SIK2: variants seen among roughly 807,000 people sequenced by gnomAD.
SIK2 encodes salt inducible kinase 2.
In SIK2, 29 loss-of-function variants were observed where a neutral mutation model predicts 103.2. That is an observed-to-expected ratio of 0.28 (90% confidence interval 0.21 to 0.38). The LOEUF (loss-of-function observed/expected upper bound fraction) is 0.38, where lower values mean the gene tolerates loss of function less well. SIK2 is among the 10% of genes least tolerant of loss of function. SIK2 has a pLI of 1.00. For missense variants in SIK2, 879 were observed against 1,171.0 expected, an observed-to-expected ratio of 0.75 and a Z score of 3.64; for synonymous variants, 412 against 446.1, an observed-to-expected ratio of 0.92 and a Z score of 0.96.
chr11:111,624,638 G>A (rs1205070682), intron 3 of SIK2, among the ~76,000 whole-genome samples: 1 of 152,200 alleles, frequency 6.6e-6, no homozygotes, highest in Non-Finnish European at 1.5e-5. Flanking sequence ...AAACTGCAAT[G>A]AAGAAAATAG....
chr11:111,635,035 G>T (rs187889230), intron 3 of SIK2, among the ~76,000 whole-genome samples: 114 of 152,276 alleles, frequency 7.5e-4, no homozygotes, highest in Admixed American at 6.5e-3. Context: ...TATCTTTGAA[G>T]AGGTCAGATC....
At chr11:111,720,162 G>A (rs1454193382) in intron 10 of SIK2, among the ~76,000 whole-genome samples, 159 bp downstream of exon 10, 2 of 152,222 alleles carry the variant, frequency 1.3e-5, no homozygotes, top group African/African-American at 4.8e-5. Flanking sequence ...CAGCCTGGCA[G>A]CAGCTATCAA....
rs754439040 is a variant in SIK2 at position 111,719,817 on chromosome 11, C to T, written c.1309C>T (p.Arg437Trp). The change falls in exon 10 of 15, where the codon CGG (arginine) becomes TGG (tryptophan). Residue 437 changes from arginine (R) to tryptophan (W), a missense_variant. By Grantham distance (101) the Arg-to-Trp change is moderately radical (BLOSUM62 -3). This residue lies in a region of SIK2 where 222 missense variants were observed against 258.0 expected (regional missense o/e 0.86). Coordinates refer to ENST00000304987, the MANE Select transcript of SIK2 (RefSeq NM_015191.3). ...LLDPVPPVLVRKGCQSLPSNM... is the reference protein window; with the variant it reads ...LLDPVPPVLVWKGCQSLPSNM... ...TGACCCTGTGCCTCCTGTCCTGGTG[C>T]GGAAGGGATGCCAGTCACTGCCCAG... 1.6e-5 allele frequency: 26 copies of T among 1,613,938 alleles called. No homozygotes were observed. Among genetic ancestry groups the T allele is most frequent in the Non-Finnish European group, 1.9e-5 (22 of 1,180,020 alleles).
intron 14 of SIK2, among the ~76,000 whole-genome samples, chr11:111,723,110 C>T (rs970938807): frequency 6.6e-6 from 1 of 152,162 alleles, no homozygotes; most frequent in Admixed American, 6.5e-5. Flanking sequence ...CCCACAGCCT[C>T]GCTAGTAGAA....
At chr11:111,704,879 C>T in intron 7 of SIK2, 108 bp from the exon 8 acceptor site, 2 of 1,313,336 alleles carry the variant, frequency 1.5e-6, no homozygotes, top group Non-Finnish European at 2.1e-6. Context: ...TGTTTTTCAC[C>T]CTATTTTTAA....
At chr11:111,647,709 C>T (rs1942275934) in intron 3 of SIK2, among the ~76,000 whole-genome samples, 1 of 151,732 alleles carries the variant, frequency 6.6e-6, no homozygotes, top group African/African-American at 2.4e-5. Flanking sequence ...ACTAAAAATA[C>T]AAAACATTAT....
At chr11:111,616,404 T>C in intron 2 of SIK2, 45 bp downstream of exon 2, 1 of 1,049,992 alleles carries the variant, frequency 9.5e-7, no homozygotes, top group Non-Finnish European at 1.5e-6. Flanking sequence ...CACAAGATAG[T>C]TCTCTATTTC....
chr11:111,644,322 A>G (rs1401352634), intron 3 of SIK2, among the ~76,000 whole-genome samples: 1 of 151,676 alleles, frequency 6.6e-6, no homozygotes, highest in Non-Finnish European at 1.5e-5. Flanking sequence ...AGAAAAAAGA[A>G]AAGAAAGAGA....
At chr11:111,652,629 G>T (rs375063904) in intron 3 of SIK2, among the ~76,000 whole-genome samples, 9 of 152,088 alleles carry the variant, frequency 5.9e-5, no homozygotes, top group African/African-American at 2.2e-4. Context: ...ATTAGAAAAG[G>T]TGCTTTTGAA....
intron 1 of SIK2, among the ~76,000 whole-genome samples, chr11:111,611,217 C>T (rs1941721591): frequency 2.0e-5 from 3 of 147,928 alleles, no homozygotes; most frequent in African/African-American, 7.5e-5. Context: ...CCAGTGCACT[C>T]CAGCCCAGGC....
At chr11:111,607,225 G>T (rs1231068234) in intron 1 of SIK2, among the ~76,000 whole-genome samples, 1 of 152,136 alleles carries the variant, frequency 6.6e-6, no homozygotes, top group Non-Finnish European at 1.5e-5. Context: ...AGAGAACTTG[G>T]AATGCAAAAC....
At chr11:111,687,514 CAA>C (rs35674513) in intron 3 of SIK2, among the ~76,000 whole-genome samples, 3 of 125,094 alleles carry the variant, frequency 2.4e-5, no homozygotes, top group Non-Finnish European at 1.6e-5. Flanking sequence ...GACTCCATCT[CAA>C]AAAAAAAAAA....
At chr11:111,633,016 T>C (rs957166590) in intron 3 of SIK2, among the ~76,000 whole-genome samples, 1 of 152,150 alleles carries the variant, frequency 6.6e-6, no homozygotes, top group South Asian at 2.1e-4. Flanking sequence ...GCTTACCAGA[T>C]CTAATGACCA....
At chr11:111,656,763 A>T (rs1942397160) in intron 3 of SIK2, among the ~76,000 whole-genome samples, 2 of 152,176 alleles carry the variant, frequency 1.3e-5, no homozygotes, top group South Asian at 4.1e-4. Context: ...TACCTGAGTT[A>T]CTCGTAAGCT....
At chr11:111,623,080 T>C (rs191831653) in intron 3 of SIK2, among the ~76,000 whole-genome samples, 1 of 152,360 alleles carries the variant, frequency 6.6e-6, no homozygotes, top group East Asian at 1.9e-4. Flanking sequence ...TCACTGATGC[T>C]CTTTTCCATT....
chr11:111,644,301 A>AAAAG (rs1221111093), intron 3 of SIK2, among the ~76,000 whole-genome samples: 13 of 150,916 alleles, frequency 8.6e-5, no homozygotes, highest in African/African-American at 2.7e-4. Flanking sequence ...AAAAAAAAAA[A>AAAAG]AAAGAAAGAA....
At chr11:111,643,464 T>TAA (rs113501259) in intron 3 of SIK2, among the ~76,000 whole-genome samples, 32 of 144,460 alleles carry the variant, frequency 2.2e-4, no homozygotes, top group African/African-American at 7.3e-4. Flanking sequence ...TCCCAGAACT[T>TAA]AAAAAAAAAA....
At chr11:111,657,097 A>G (rs1318633080) in intron 3 of SIK2, among the ~76,000 whole-genome samples, 1 of 152,222 alleles carries the variant, frequency 6.6e-6, no homozygotes, top group Non-Finnish European at 1.5e-5. Flanking sequence ...TAAATGAGAC[A>G]TATTTACATA....
intron 2 of SIK2, among the ~76,000 whole-genome samples, chr11:111,617,658 T>C (rs541899347): frequency 6.6e-6 from 1 of 152,324 alleles, no homozygotes; most frequent in Non-Finnish European, 1.5e-5. Context: ...TGCATTCAAA[T>C]AGATTAGCAC....
Sources: allele counts gnomAD v4.1 joint callset (sites outside exome capture counted in the v4.1 genomes callset), GRCh38; gene constraint gnomAD v4.1.1; regional missense constraint gnomAD v4.1.1; transcripts MANE v1.5; gene names NCBI Gene and HGNC (gene_info 2026-07-23, HGNC 2026-07-21).